Variants in PATJ observed in about 807,000 individuals in gnomAD.
PATJ encodes the protein PATJ crumbs cell polarity complex component, also known as inaD-like protein.
PATJ carries 190 observed loss-of-function variants against 224.9 expected under a neutral mutation model. That is an observed-to-expected ratio of 0.84 (90% CI 0.75 to 0.95). The LOEUF (loss-of-function observed/expected upper bound fraction) is 0.95. Ranked by LOEUF, PATJ falls within the 40% of genes least tolerant of loss-of-function variation. The pLI is 0.00. For missense variants in PATJ, 2,121 were observed against 2,270.3 expected, an observed-to-expected ratio of 0.93 and a Z score of 1.34; for synonymous variants, 769 against 820.3, an observed-to-expected ratio of 0.94 and a Z score of 1.07.
intron 28 of PATJ, among the ~76,000 whole-genome samples, chr1:62,006,153 G>A (rs527941616): frequency 8.6e-4 from 131 of 151,760 alleles, no homozygotes; most frequent in Admixed American, 2.1e-3. Flanking sequence ...TTGCTCTGTC[G>A]CCCCAGGCTG....
At chr1:62,141,838 C>T (rs770570632) in intron 41 of PATJ, among the ~76,000 whole-genome samples, 27 of 152,052 alleles carry the variant, frequency 1.8e-4, no homozygotes, top group Admixed American at 2.6e-4. Context: ...GGCGTGGTGA[C>T]ACACACCTGT....
chr1:61,952,839 A>C (rs140421248), intron 27 of PATJ, among the ~76,000 whole-genome samples: 7 of 152,336 alleles, frequency 4.6e-5, no homozygotes, highest in African/African-American at 1.4e-4. Flanking sequence ...TTTATGTTAG[A>C]ACTAGGTTAT....
chr1:61,843,116 A>C (rs188876554), intron 17 of PATJ, among the ~76,000 whole-genome samples: 12 of 152,330 alleles, frequency 7.9e-5, no homozygotes, highest in Middle Eastern at 6.8e-3. Context: ...GGTACCAAAC[A>C]TCTAGTCTGT....
chr1:62,145,307 T>C (rs1043806854), intron 41 of PATJ, among the ~76,000 whole-genome samples: 1 of 152,196 alleles, frequency 6.6e-6, no homozygotes, highest in African/African-American at 2.4e-5. Context: ...TATGAAGTGA[T>C]AGACAATAAA....
Position 62,037,846 on chromosome 1 carries a change from T to TTA in PATJ, c.3960-119_3960-118dup, listed in dbSNP as rs752154668. 594 of 328,384 alleles carry TTA rather than the reference T, an allele frequency of 1.8e-3. 2 individuals are homozygous for TTA. Among genetic ancestry groups the TTA allele is most frequent in the Middle Eastern group, 6.3e-3 (8 of 1,266 alleles). The allele number at this position is 328,384 out of a possible 1,614,324, so 20.3% of individuals were successfully genotyped here. ...AGCTATATATATGGAAGCTATATAT[T>TTA]TATATATATATATTTAATTCTATGA... On this transcript the variant is annotated intron_variant, in intron 29 of 43. Transcript: ENST00000642238.
chr1:61,962,893 C>T (rs1051062066), intron 27 of PATJ, among the ~76,000 whole-genome samples: 8 of 152,168 alleles, frequency 5.3e-5, no homozygotes, highest in African/African-American at 1.4e-4. Flanking sequence ...CCAGCCCAGC[C>T]GCCAGAAAGG....
chr1:61,920,247 G>C (rs942589998), intron 26 of PATJ, among the ~76,000 whole-genome samples: 1 of 152,118 alleles, frequency 6.6e-6, no homozygotes, highest in African/African-American at 2.4e-5. Flanking sequence ...GATACGGTTT[G>C]GCAGTCTCCC....
intron 7 of PATJ, among the ~76,000 whole-genome samples, chr1:61,778,549 A>G (rs1186275527): frequency 6.6e-6 from 1 of 152,184 alleles, no homozygotes; most frequent in African/African-American, 2.4e-5. Flanking sequence ...CTTTCCAACT[A>G]TATATCTGAT....
At chr1:62,131,828 T>A (rs1205864089) in intron 41 of PATJ, among the ~76,000 whole-genome samples, 1 of 151,820 alleles carries the variant, frequency 6.6e-6, no homozygotes, top group East Asian at 1.9e-4. Flanking sequence ...AATGTCATAA[T>A]AATAAAAACC....
intron 1 of PATJ, among the ~76,000 whole-genome samples, chr1:61,751,670 A>G (rs1218519245): frequency 6.6e-6 from 1 of 151,872 alleles, no homozygotes; most frequent in Non-Finnish European, 1.5e-5. Flanking sequence ...TACTAAAAAT[A>G]CAAAAATTAG....
intron 31 of PATJ, among the ~76,000 whole-genome samples, chr1:62,052,502 G>A (rs1391011925): frequency 2.0e-5 from 3 of 151,904 alleles, no homozygotes; most frequent in Non-Finnish European, 2.9e-5. Flanking sequence ...AGCACTTTGG[G>A]AGGCCAAGGC....
intron 31 of PATJ, among the ~76,000 whole-genome samples, chr1:62,076,260 T>C (rs934342611): frequency 1.3e-5 from 2 of 152,182 alleles, no homozygotes; most frequent in Non-Finnish European, 2.9e-5. Flanking sequence ...AAAACCTGCC[T>C]GGGACCCACA....
intron 33 of PATJ, chr1:62,100,189 G>A: frequency 1.9e-6 from 1 of 516,066 alleles, no homozygotes; most frequent in Non-Finnish European, 3.6e-6. Context: ...CATTTGTGAT[G>A]GGTATTTTGG....
At chr1:61,952,097 A>AC (rs1368369458) in intron 27 of PATJ, 16 of 403,316 alleles carry the variant, frequency 4.0e-5, no homozygotes, top group Non-Finnish European at 7.2e-5. Flanking sequence ...GATGTGGGAA[A>AC]CCAGGGATTT....
chr1:62,070,173 TACTTTTG>T (rs771201463), intron 31 of PATJ, among the ~76,000 whole-genome samples: 1 of 152,254 alleles, frequency 6.6e-6, no homozygotes. Flanking sequence ...CAGAGGCACT[TACTTTTG>T]CTCCTCCTAA....
At chr1:61,996,741 CTT>C (rs56215259) in intron 28 of PATJ, among the ~76,000 whole-genome samples, 18,957 of 99,194 alleles carry the variant, frequency 0.19, 1,650 homozygotes, top group Non-Finnish European at 0.25. Flanking sequence ...CTTTTCTTTT[CTT>C]TTTTTTTTTT....
chr1:61,926,689 C>T (rs1164839040), intron 26 of PATJ, among the ~76,000 whole-genome samples: 2 of 152,102 alleles, frequency 1.3e-5, no homozygotes, highest in Admixed American at 6.6e-5. Flanking sequence ...GGATTTTCTA[C>T]AAGTGTATAT....
intron 28 of PATJ, chr1:61,991,757 A>T (rs1645077630): frequency 1.0e-6 from 1 of 982,742 alleles, no homozygotes; most frequent in African/African-American, 1.7e-5. Context: ...AAAGTCAAAG[A>T]TGACCTTATG....
At chr1:61,777,724 T>TTTTTTTTC (rs765662896) in intron 7 of PATJ, among the ~76,000 whole-genome samples, 53 of 106,016 alleles carry the variant, frequency 5.0e-4, no homozygotes, top group East Asian at 1.7e-3. Context: ...TTTTTTTTTT[T>TTTTTTTTC]TTTAGCATAG....
Sources: allele counts gnomAD v4.1 joint callset (sites outside exome capture counted in the v4.1 genomes callset), GRCh38; gene constraint gnomAD v4.1.1; transcripts MANE v1.5; gene names NCBI Gene and HGNC (gene_info 2026-07-23, HGNC 2026-07-21).